MYO1D: variants seen among roughly 807,000 people sequenced by gnomAD.
The protein encoded by MYO1D is unconventional myosin-Id.
In MYO1D, 83 loss-of-function variants were observed where a neutral mutation model predicts 122.0. That is an observed-to-expected ratio of 0.68 (90% CI 0.57 to 0.82). The LOEUF (loss-of-function observed/expected upper bound fraction) is 0.82, where lower values mean the gene tolerates loss of function less well. Among genes scored for constraint, MYO1D ranks in the 40% least tolerant of loss-of-function variants. MYO1D has a pLI of 0.00. For missense variants in MYO1D, 1,157 were observed against 1,269.5 expected, an observed-to-expected ratio of 0.91 and a Z score of 1.35; for synonymous variants, 464 against 446.9, an observed-to-expected ratio of 1.04 and a Z score of -0.48.
At chr17:32,849,891 C>CCGTG (rs2090971554) in intron 1 of MYO1D, among the ~76,000 whole-genome samples, 1 of 152,152 alleles carries the variant, frequency 6.6e-6, no homozygotes, top group African/African-American at 2.4e-5. Flanking sequence ...TGTGTCCCTT[C>CCGTG]TACAGTTTAA....
In MYO1D at chr17:32,661,417, T is replaced by C. The variant is rs149566809; in HGVS notation, c.2122-2079A>G. On this transcript the variant is annotated intron_variant, in intron 16 of 21. Transcript: ENST00000318217. The stretch of plus-strand genomic sequence containing the variant: ...CCTATAATCCTAGCACTTTAGGAGG[T>C]TGAGGTGGGAGGATCACTTGAGCCT... Among the ~76,000 whole-genome samples the C allele has an allele frequency of 2.6e-3, 391 of 152,042 alleles. 2 individuals carry two copies. The highest frequency in any genetic ancestry group is 9.1e-3 in the African/African-American group (379 of 41,454).
chr17:32,528,734 C>G (rs754024016), intron 21 of MYO1D, among the ~76,000 whole-genome samples: 1 of 152,032 alleles, frequency 6.6e-6, no homozygotes, highest in Non-Finnish European at 1.5e-5. Context: ...GAGGAGGAGG[C>G]AGTGTGATCC....
chr17:32,742,919 A>C (rs2089788943), intron 13 of MYO1D, among the ~76,000 whole-genome samples: 1 of 152,234 alleles, frequency 6.6e-6, no homozygotes, highest in South Asian at 2.1e-4. Context: ...TCAATGCTAC[A>C]TGGAAACCAG....
At chr17:32,810,479 C>CTT (rs112741399) in intron 1 of MYO1D, among the ~76,000 whole-genome samples, 4,212 of 141,764 alleles carry the variant, frequency 0.03, 203 homozygotes, top group African/African-American at 0.1. Context: ...AAGTCCGTAA[C>CTT]TTTTTTTTTT....
At chr17:32,848,913 G>A (rs1478611001) in intron 1 of MYO1D, among the ~76,000 whole-genome samples, 4 of 152,134 alleles carry the variant, frequency 2.6e-5, no homozygotes, top group African/African-American at 9.7e-5. Flanking sequence ...ACACTGCCAA[G>A]TTCCCTAACA....
At chr17:32,679,902 T>C (rs1213078074) in intron 16 of MYO1D, among the ~76,000 whole-genome samples, 10 of 150,702 alleles carry the variant, frequency 6.6e-5, no homozygotes, top group Non-Finnish European at 1.5e-4. Context: ...ACATGGAATG[T>C]TCTTCCATTT....
chr17:32,617,142 T>C (rs2087781457), intron 20 of MYO1D, among the ~76,000 whole-genome samples: 1 of 152,138 alleles, frequency 6.6e-6, no homozygotes, highest in Non-Finnish European at 1.5e-5. Context: ...ATCACGCCAC[T>C]GTACTCTAGC....
intron 1 of MYO1D, chr17:32,830,160 C>G (rs2090758117): frequency 6.6e-6 from 1 of 152,086 alleles, no homozygotes; most frequent in African/African-American, 2.4e-5. Flanking sequence ...ACATTTAAAT[C>G]AAGATACTCA....
intron 1 of MYO1D, among the ~76,000 whole-genome samples, chr17:32,789,288 G>C (rs1030827098): frequency 6.6e-6 from 1 of 152,016 alleles, no homozygotes; most frequent in Admixed American, 6.6e-5. Context: ...CTCTGGCCAG[G>C]ACTTCTAGTA....
At chr17:32,597,410 C>T (rs2087505883) in intron 21 of MYO1D, among the ~76,000 whole-genome samples, 1 of 151,958 alleles carries the variant, frequency 6.6e-6, no homozygotes, top group Non-Finnish European at 1.5e-5. Context: ...ACATATCTAT[C>T]TGTACCTATA....
intron 14 of MYO1D, among the ~76,000 whole-genome samples, chr17:32,734,265 C>A (rs1034224668): frequency 1.3e-5 from 2 of 152,044 alleles, no homozygotes; most frequent in African/African-American, 2.4e-5. Flanking sequence ...AGAAAACCAT[C>A]TACATTTTCA....
intron 8 of MYO1D, among the ~76,000 whole-genome samples, chr17:32,762,644 T>A (rs2090013116): frequency 6.6e-6 from 1 of 151,838 alleles, no homozygotes; most frequent in Admixed American, 6.6e-5. Flanking sequence ...GAAGCTGAGG[T>A]GGGCAGATCA....
chr17:32,511,052 G>A (rs1909679032), intron 21 of MYO1D, among the ~76,000 whole-genome samples: 1 of 152,066 alleles, frequency 6.6e-6, no homozygotes, highest in Non-Finnish European at 1.5e-5. Flanking sequence ...GAGGGCTGGG[G>A]CCACCTCAGT....
chr17:32,739,577 C>CAT (rs1278235019), intron 13 of MYO1D, among the ~76,000 whole-genome samples: 4 of 151,122 alleles, frequency 2.6e-5, no homozygotes, highest in Non-Finnish European at 4.4e-5. Flanking sequence ...ACCAACATGG[C>CAT]GCATGTATAC....
intron 21 of MYO1D, among the ~76,000 whole-genome samples, chr17:32,601,259 T>C (rs2087559284): frequency 6.6e-6 from 1 of 152,116 alleles, no homozygotes; most frequent in African/African-American, 2.4e-5. Flanking sequence ...TAAAATAAAC[T>C]GAGAGATGTG....
Position 32,760,478 on chromosome 17 carries a change from T to A in MYO1D, c.1181+4A>T. 6.2e-7 allele frequency: 1 copy of A among 1,611,528 alleles called. No individual in the cohort carries two copies. The highest frequency in any genetic ancestry group is 1.3e-5 in the African/African-American group (1 of 74,920). On this transcript the variant is annotated splice_donor_region_variant and intron_variant, in intron 9 of 21. Transcript: ENST00000318217. ...CAAGGTTTTAAGTATCTTTTCCAGT[T>A]TACCTGTTGTTGTCAAAGATTTCAA...
intron 16 of MYO1D, among the ~76,000 whole-genome samples, chr17:32,692,537 A>AT (rs1232886074): frequency 6.6e-6 from 1 of 152,250 alleles, no homozygotes; most frequent in African/African-American, 2.4e-5. Context: ...ATTAAATGTC[A>AT]GCATGGTGAC....
At chr17:32,667,084 G>A (rs2088647257) in intron 16 of MYO1D, among the ~76,000 whole-genome samples, 1 of 152,230 alleles carries the variant, frequency 6.6e-6, no homozygotes, top group African/African-American at 2.4e-5. Flanking sequence ...TTGTGGTAGA[G>A]GAGGGTTTAT....
At chr17:32,509,316 T>A (rs1300479366) in intron 21 of MYO1D, among the ~76,000 whole-genome samples, 3 of 152,218 alleles carry the variant, frequency 2.0e-5, no homozygotes. Context: ...TTACCTTGCT[T>A]TGTAAACCCA....
Sources: allele counts gnomAD v4.1 joint callset (sites outside exome capture counted in the v4.1 genomes callset), GRCh38; gene constraint gnomAD v4.1.1; transcripts MANE v1.5; gene names NCBI Gene and HGNC (gene_info 2026-07-23, HGNC 2026-07-21).